Variants in VWA8 observed in about 807,000 individuals in gnomAD.
VWA8 encodes the protein von Willebrand factor A domain-containing protein 8.
A neutral mutation model predicts 241.5 loss-of-function variants in VWA8; 221 were observed. The ratio of observed to expected loss-of-function variants is 0.91; its 90% CI spans 0.82 to 1.02. VWA8 has a LOEUF of 1.02. Among genes scored for constraint, VWA8 ranks in the 50% least tolerant of loss-of-function variants. VWA8 has a pLI of 0.00. For missense variants in VWA8, 2,322 were observed against 2,328.7 expected, an observed-to-expected ratio of 1.00 and a Z score of 0.06; for synonymous variants, 852 against 827.1, an observed-to-expected ratio of 1.03 and a Z score of -0.52.
chr13:41,815,368 A>G (rs73183396), intron 16 of VWA8, among the ~76,000 whole-genome samples: 232 of 152,378 alleles, frequency 1.5e-3, no homozygotes, highest in Admixed American at 5.2e-3. Flanking sequence ...GTTACTTTCT[A>G]TGGCAAAATT....
intron 26 of VWA8, among the ~76,000 whole-genome samples, chr13:41,705,188 CTT>C (rs926750809): frequency 1.3e-4 from 19 of 150,910 alleles, no homozygotes; most frequent in African/African-American, 4.6e-4. Flanking sequence ...CACACACACA[CTT>C]TTGAATCTAT....
chr13:41,747,588 A>G (rs2045618484), intron 21 of VWA8, among the ~76,000 whole-genome samples: 1 of 152,096 alleles, frequency 6.6e-6, no homozygotes, highest in Non-Finnish European at 1.5e-5. Context: ...AATACCCTTT[A>G]TTTCCTTCTC....
chr13:41,669,672 C>T (rs1258127334), intron 37 of VWA8, among the ~76,000 whole-genome samples: 1 of 152,134 alleles, frequency 6.6e-6, no homozygotes, highest in Non-Finnish European at 1.5e-5. Flanking sequence ...ATCTCTACCA[C>T]ATATAAAATA....
chr13:41,834,241 G>A (rs1019716590), intron 12 of VWA8, among the ~76,000 whole-genome samples: 4 of 152,150 alleles, frequency 2.6e-5, no homozygotes, highest in Non-Finnish European at 5.9e-5. Flanking sequence ...TTTATCTACT[G>A]TAAAAAACTG....
rs61756560 is a variant in VWA8 at position 41,721,523 on chromosome 13, G to A, written c.2811C>T (p.Leu937=). 6.1e-3 allele frequency: 9,786 copies of A among 1,613,768 alleles called. 56 individuals are homozygous for A. The highest frequency in any genetic ancestry group is 0.012 in the Middle Eastern group (75 of 6,054). The change falls in exon 25 of 45, where the codon CTC becomes CTT. Residue 937 remains leucine (L), a synonymous_variant. Coordinates refer to ENST00000379310, the MANE Select transcript of VWA8 (RefSeq NM_015058.2). ...AVDNPKPHSE[L]EMLRQYGPNV... is the part of the protein sequence containing the mutation. ...TTGGTCCATACTGTCTGAGCATCTC[G>A]AGCTCCGAGTGGGGTTTGGGGTTAT...
intron 4 of VWA8, among the ~76,000 whole-genome samples, chr13:41,900,245 TGTA>T (rs1875360874): frequency 1.3e-5 from 2 of 152,176 alleles, no homozygotes; most frequent in African/African-American, 2.4e-5. Flanking sequence ...ATAAAATAAT[TGTA>T]GTATAATTTT....
rs550474665 is a variant in VWA8 at position 41,755,931 on chromosome 13, C to G, written c.2426+5197G>C. On this transcript the variant is annotated intron_variant, in intron 21 of 44. Coordinates refer to ENST00000379310, the MANE Select transcript of VWA8 (RefSeq NM_015058.2). ...CAAAAAGTTTTTTAAAAGAACAACA[C>G]GTGAAATCGAACGAAAACAAAAGGA... Among the ~76,000 whole-genome samples the G allele has an allele frequency of 3.3e-5, 5 of 151,532 alleles. No individual in the cohort carries two copies. The South Asian group carries it at 8.4e-4, about 25-fold the overall frequency.
chr13:41,628,003 C>A (rs1593660023), intron 37 of VWA8, among the ~76,000 whole-genome samples: 1 of 151,998 alleles, frequency 6.6e-6, no homozygotes, highest in East Asian at 1.9e-4. Context: ...ATAGGGCATA[C>A]ACCGAGTAAA....
At chr13:41,942,616 C>CT (rs1301692360) in intron 2 of VWA8, among the ~76,000 whole-genome samples, 8 of 152,258 alleles carry the variant, frequency 5.3e-5, no homozygotes, top group Admixed American at 3.3e-4. Context: ...CCACCTACTC[C>CT]TTCCCAACAG....
chr13:41,671,198 AG>A (rs758721806), intron 36 of VWA8, 51 bp from the exon 37 acceptor site: 2 of 1,582,806 alleles, frequency 1.3e-6, no homozygotes, highest in Non-Finnish European at 1.7e-6. Context: ...ATAAAGCAGG[AG>A]GGATGACACT....
At chr13:41,890,342 A>G (rs1874774550) in intron 5 of VWA8, among the ~76,000 whole-genome samples, 1 of 152,260 alleles carries the variant, frequency 6.6e-6, no homozygotes, top group South Asian at 2.1e-4. Flanking sequence ...GTATCTCTAC[A>G]GAACAGGTAT....
At chr13:41,707,589 T>A (rs1239863527) in intron 26 of VWA8, among the ~76,000 whole-genome samples, 1 of 152,312 alleles carries the variant, frequency 6.6e-6, no homozygotes. Flanking sequence ...ATGTTTTAAA[T>A]CTAATTTCTG....
At chr13:41,762,503 A>G (rs1268912610) in intron 20 of VWA8, among the ~76,000 whole-genome samples, 1 of 152,140 alleles carries the variant, frequency 6.6e-6, no homozygotes, top group Non-Finnish European at 1.5e-5. Flanking sequence ...TAGTCCCTGC[A>G]TTATGGAATA....
chr13:41,925,730 G>T, intron 2 of VWA8: 1 of 198,670 alleles, frequency 5.0e-6, no homozygotes, highest in Non-Finnish European at 1.1e-5. Context: ...AGAACTCAGT[G>T]AGAAAGTTAA....
intron 12 of VWA8, among the ~76,000 whole-genome samples, chr13:41,836,868 A>G (rs776043298): frequency 2.0e-5 from 3 of 152,198 alleles, no homozygotes; most frequent in Non-Finnish European, 4.4e-5. Context: ...AAAGCTATAG[A>G]CCAGAAATGT....
At chr13:41,802,970 A>T (rs1288412355) in intron 17 of VWA8, among the ~76,000 whole-genome samples, 1 of 152,188 alleles carries the variant, frequency 6.6e-6, no homozygotes, top group Non-Finnish European at 1.5e-5. Context: ...ATGGAGAGAG[A>T]GATTCCATTT....
rs1294105019 is a variant in VWA8 at position 41,907,716 on chromosome 13, A to G, written c.373-20T>C. On this transcript the variant is annotated intron_variant, in intron 3 of 44. Transcript: ENST00000379310. ...CAGCTCCTGTAGAGAAGAGAATGAA[A>G]TTATTCCAAAAATAAAATCAAATTT... The G allele has an allele frequency of 6.3e-7, 1 of 1,598,010 alleles. No individual in the cohort carries two copies. Among genetic ancestry groups the G allele is most frequent in the Non-Finnish European group, 8.6e-7 (1 of 1,165,762 alleles).
chr13:41,853,118 G>A (rs779419088), intron 12 of VWA8, among the ~76,000 whole-genome samples: 1 of 152,026 alleles, frequency 6.6e-6, no homozygotes, highest in Non-Finnish European at 1.5e-5. Context: ...TGTGATTTGG[G>A]TACATTTATT....
At chr13:41,864,860 C>T (rs1419793198) in intron 12 of VWA8, among the ~76,000 whole-genome samples, 3 of 151,846 alleles carry the variant, frequency 2.0e-5, no homozygotes, top group South Asian at 4.2e-4. Flanking sequence ...TGGTGACAGG[C>T]GCCTGTAATC....
Sources: allele counts gnomAD v4.1 joint callset (sites outside exome capture counted in the v4.1 genomes callset), GRCh38; gene constraint gnomAD v4.1.1; transcripts MANE v1.5; gene names NCBI Gene and HGNC (gene_info 2026-07-23, HGNC 2026-07-21).